Variants in SYT13 observed in about 807,000 individuals in gnomAD.
SYT13 encodes synaptotagmin 13.
A neutral mutation model predicts 38.6 loss-of-function variants in SYT13; 21 were observed. The observed-to-expected ratio is 0.54, with a 90% CI of 0.39 to 0.78. The LOEUF is 0.78. Ranked by LOEUF, SYT13 falls within the 30% of genes least tolerant of loss-of-function variation. The pLI is 0.00. For synonymous variants in SYT13, 241 were observed against 237.6 expected (o/e 1.01, Z -0.13); for missense variants, 495 against 548.7 (o/e 0.90, Z 0.98).
chr11:45,258,543 G>T (rs1359732961), intron 1 of SYT13: 1 of 152,202 alleles, frequency 6.6e-6, no homozygotes, highest in Non-Finnish European at 1.5e-5. Flanking sequence ...AGGTATAGGT[G>T]AGTTAGGGAT....
At chr11:45,250,142 C>T (rs1854655524) in intron 4 of SYT13, among the ~76,000 whole-genome samples, 1 of 152,322 alleles carries the variant, frequency 6.6e-6, no homozygotes, top group Non-Finnish European at 1.5e-5. Flanking sequence ...CCAGCTTTCT[C>T]CTGCCCTATA....
At chr11:45,261,240 A>C (rs1354841003) in intron 1 of SYT13, among the ~76,000 whole-genome samples, 1 of 152,254 alleles carries the variant, frequency 6.6e-6, no homozygotes, top group Non-Finnish European at 1.5e-5. Flanking sequence ...GGATGTGAAG[A>C]AATCGGAATT....
intron 1 of SYT13, among the ~76,000 whole-genome samples, chr11:45,275,951 A>G (rs1298781486): frequency 1.3e-5 from 2 of 151,916 alleles, no homozygotes; most frequent in African/African-American, 4.8e-5. Flanking sequence ...CTGCACACAC[A>G]CTCCATTCCT....
At chr11:45,276,903 A>G (rs1268305339) in intron 1 of SYT13, among the ~76,000 whole-genome samples, 1 of 152,178 alleles carries the variant, frequency 6.6e-6, no homozygotes. Flanking sequence ...ACTCCTAGGT[A>G]TATACTTGAA....
chr11:45,249,263 A>G (rs552344105), intron 4 of SYT13, among the ~76,000 whole-genome samples: 20 of 152,342 alleles, frequency 1.3e-4, no homozygotes, highest in Non-Finnish European at 2.9e-4. Flanking sequence ...GAAGCTGGAG[A>G]GGATGTGGAG....
At chr11:45,248,824 A>G (rs1360007407) in intron 4 of SYT13, among the ~76,000 whole-genome samples, 1 of 152,090 alleles carries the variant, frequency 6.6e-6, no homozygotes, top group Admixed American at 6.5e-5. Flanking sequence ...ACTTTTGCAT[A>G]GGGTGAGGTC....
At position 45,279,505 on chromosome 11, in the gene SYT13, T is replaced by C. The variant is rs184740813; in HGVS notation, c.183+6520A>G. On this transcript the variant is annotated intron_variant, in intron 1 of 5. Transcript: ENST00000020926. ...GGGAGGCTGAGGTGGGAGGATCACT[T>C]GAGCTCAGAAGATCGAGGCAGCAGT... Among the ~76,000 whole-genome samples the C allele has an allele frequency of 8.2e-3, 1,251 of 152,260 alleles. 56 individuals are homozygous for C. Among genetic ancestry groups the C allele is most frequent in the Admixed American group, 0.07 (1,062 of 15,280 alleles).
At chr11:45,272,308 T>C (rs1854959142) in intron 1 of SYT13, among the ~76,000 whole-genome samples, 1 of 152,240 alleles carries the variant, frequency 6.6e-6, no homozygotes, top group East Asian at 1.9e-4. Flanking sequence ...CAAACCTGCA[T>C]GTCCTGCGCA....
chr11:45,264,154 G>T (rs1854853633), intron 1 of SYT13, among the ~76,000 whole-genome samples: 1 of 152,104 alleles, frequency 6.6e-6, no homozygotes, highest in Admixed American at 6.5e-5. Flanking sequence ...AGCTAAACTG[G>T]ATCCTCTCTC....
intron 1 of SYT13, among the ~76,000 whole-genome samples, chr11:45,274,881 G>A (rs539585429): frequency 7.9e-5 from 12 of 152,168 alleles, no homozygotes; most frequent in Non-Finnish European, 1.3e-4. Flanking sequence ...ATCTCCCTGG[G>A]TATTACCTCA....
At position 45,255,866 on chromosome 11, in the gene SYT13, G is replaced by C. The variant is rs141057431; in HGVS notation, c.209C>G (p.Pro70Arg). 1 of 1,614,070 alleles carries C rather than the reference G, an allele frequency of 6.2e-7. No homozygotes were observed. Among genetic ancestry groups the C allele is most frequent in the African/African-American group, 1.3e-5 (1 of 74,918 alleles). Reference sequence around the variant, plus strand: ...CTTGAGGAGGGCACGGGGCTGAACAGGTTCCGTGGACTTTTTAACATTGAA... The same window carrying C: ...CTTGAGGAGGGCACGGGGCTGAACACGTTCCGTGGACTTTTTAACATTGAA... Reference protein sequence around the residue: ...QQFNVKKSTEPVQPRALLKFP... With the variant: ...QQFNVKKSTERVQPRALLKFP... The change falls in exon 2 of 6, where the codon CCT becomes CGT. Residue 70 changes from proline (P) to arginine (R), a missense_variant. Coordinates refer to ENST00000020926, the MANE Select transcript of SYT13 (RefSeq NM_020826.3).
At chr11:45,258,144 GC>G (rs1257709826) in intron 1 of SYT13, among the ~76,000 whole-genome samples, 2 of 152,286 alleles carry the variant, frequency 1.3e-5, no homozygotes, top group African/African-American at 4.8e-5. Context: ...AGCAGAGTAA[GC>G]CTAGATCAGC....
intron 1 of SYT13, among the ~76,000 whole-genome samples, chr11:45,274,964 A>G (rs1026443832): frequency 1.3e-5 from 2 of 152,172 alleles, no homozygotes; most frequent in African/African-American, 4.8e-5. Context: ...GAAAGGAGAG[A>G]AACCTGTAAA....
intron 1 of SYT13, among the ~76,000 whole-genome samples, chr11:45,283,913 T>C (rs1218480683): frequency 6.6e-6 from 1 of 152,202 alleles, no homozygotes; most frequent in African/African-American, 2.4e-5. Context: ...ATATGAAAGA[T>C]TGCATCCTAA....
Position 45,286,074 on chromosome 11 carries a change from T to C in SYT13, c.134A>G (p.Asp45Gly). Residue 45 changes from aspartate (D) to glycine (G), a missense_variant, in exon 1 of 6, where the codon GAC becomes GGC. Transcript: ENST00000020926. The stretch of plus-strand genomic sequence containing the variant: ...GGGCTTCGCCTTCTCCAGGTCGGGG[T>C]CCTGGTCCCGCGGCAGCAGCCCCTT... ...PKKGLLPRDQ[D>G]PDLEKAKPSL... 6.2e-7 allele frequency: 1 copy of C among 1,609,640 alleles called. No individual in the cohort carries two copies. The highest frequency in any genetic ancestry group is 8.5e-7 in the Non-Finnish European group (1 of 1,179,452).
chr11:45,246,694 T>C (rs1250133661), intron 4 of SYT13, among the ~76,000 whole-genome samples, 182 bp from the exon 5 acceptor site: 1 of 152,196 alleles, frequency 6.6e-6, no homozygotes. Context: ...AGGAATTCCA[T>C]GCGGCATGCG....
chr11:45,272,672 G>T (rs1278041758), intron 1 of SYT13, among the ~76,000 whole-genome samples: 4 of 152,232 alleles, frequency 2.6e-5, no homozygotes, highest in African/African-American at 4.8e-5. Context: ...TTTGATCATG[G>T]AAGGTCAGTG....
At chr11:45,261,595 T>TA (rs1225965341) in intron 1 of SYT13, among the ~76,000 whole-genome samples, 53 of 110,720 alleles carry the variant, frequency 4.8e-4, no homozygotes, top group African/African-American at 1.0e-3. Flanking sequence ...AGACTCCGTC[T>TA]AAAAAAAAAA....
chr11:45,251,880 C>T lies in SYT13; in HGVS notation c.846+541G>A, dbSNP rs568828859. Among the ~76,000 whole-genome samples the T allele has an allele frequency of 2.6e-4, 40 of 152,336 alleles. No individual in the cohort carries two copies. The South Asian group carries it at 6.0e-3, about 23-fold the overall frequency. Reference sequence around the variant, plus strand: ...GATTGCTCCTTCAGAGCCTAGCACACGGGGCCTTCTAGAATTCTTTATCAG... The same window carrying T: ...GATTGCTCCTTCAGAGCCTAGCACATGGGGCCTTCTAGAATTCTTTATCAG... On this transcript the variant is annotated intron_variant, in intron 4 of 5. Transcript: ENST00000020926.
Sources: allele counts gnomAD v4.1 joint callset (sites outside exome capture counted in the v4.1 genomes callset), GRCh38; gene constraint gnomAD v4.1.1; transcripts MANE v1.5; gene names NCBI Gene and HGNC (gene_info 2026-07-23, HGNC 2026-07-21).